The following KATNBL1 variants were observed in gnomAD, a reference collection of about 807,000 sequenced individuals.
KATNBL1 encodes the protein KATNB1-like protein 1.
A neutral mutation model predicts 44.7 loss-of-function variants in KATNBL1; 28 were observed. The observed-to-expected ratio is 0.63, with a 90% CI of 0.46 to 0.86. The LOEUF (loss-of-function observed/expected upper bound fraction) is 0.86, where lower values mean the gene tolerates loss of function less well. KATNBL1 is among the 40% of genes least tolerant of loss of function. The pLI, the probability that KATNBL1 is intolerant of heterozygous loss-of-function variation, is 0.00. For missense variants in KATNBL1, 272 were observed against 350.7 expected (o/e 0.78, Z 1.79); for synonymous variants, 78 against 114.9 (o/e 0.68, Z 2.06).
At chr15:34,145,369 T>C (rs1888276755) in intron 9 of KATNBL1, 29 bp downstream of exon 9, 1 of 1,373,990 alleles carries the variant, frequency 7.3e-7, no homozygotes, top group Non-Finnish European at 9.5e-7. Flanking sequence ...ATTTTTAATG[T>C]TTAATTTATA....
intron 1 of KATNBL1, among the ~76,000 whole-genome samples, chr15:34,179,033 T>TA (rs1889431775): frequency 6.6e-6 from 1 of 152,164 alleles, no homozygotes; most frequent in African/African-American, 2.4e-5. Context: ...GACTGGTGCT[T>TA]ACAATGGAAT....
chr15:34,183,465 G>A (rs1889623959), intron 1 of KATNBL1, among the ~76,000 whole-genome samples: 1 of 152,104 alleles, frequency 6.6e-6, no homozygotes. Flanking sequence ...AAAAAGATTA[G>A]GTCAAACAGA....
chr15:34,194,910 T>C (rs559771241), intron 1 of KATNBL1, among the ~76,000 whole-genome samples: 190 of 152,310 alleles, frequency 1.2e-3, no homozygotes, highest in Non-Finnish European at 2.3e-3. Context: ...AATATCATCT[T>C]ACACCAATCA....
intron 1 of KATNBL1, among the ~76,000 whole-genome samples, chr15:34,195,462 G>C (rs1283314537): frequency 6.6e-6 from 1 of 152,104 alleles, no homozygotes; most frequent in Non-Finnish European, 1.5e-5. Flanking sequence ...GATGATGAAA[G>C]CTTGCTTGAT....
chr15:34,209,591 G>A (rs1890378643), intron 1 of KATNBL1: 1 of 152,188 alleles, frequency 6.6e-6, no homozygotes, highest in South Asian at 2.1e-4. Context: ...CGGAAAACCT[G>A]TCCTCAAAAA....
chr15:34,195,639 C>T (rs535940156), intron 1 of KATNBL1, among the ~76,000 whole-genome samples: 3 of 149,422 alleles, frequency 2.0e-5, no homozygotes, highest in Non-Finnish European at 3.0e-5. Context: ...TGCAGTGAGC[C>T]GAGATCCCAT....
intron 3 of KATNBL1, among the ~76,000 whole-genome samples, chr15:34,154,326 G>A (rs1264399047): frequency 6.6e-6 from 1 of 152,132 alleles, no homozygotes; most frequent in Non-Finnish European, 1.5e-5. Flanking sequence ...TAGAAGTTAG[G>A]CAGATCTGAG....
intron 1 of KATNBL1, among the ~76,000 whole-genome samples, chr15:34,200,850 C>T (rs1890161289): frequency 1.3e-5 from 2 of 151,776 alleles, no homozygotes; most frequent in African/African-American, 4.8e-5. Flanking sequence ...CAGCGTCTTG[C>T]TCTGTCGCCA....
intron 2 of KATNBL1, among the ~76,000 whole-genome samples, chr15:34,158,621 A>AT (rs907755325): frequency 9.2e-4 from 135 of 145,962 alleles, no homozygotes; most frequent in Middle Eastern, 3.6e-3. Context: ...GTTTGCTCCA[A>AT]TTTTTTTTTT....
At chr15:34,143,076 C>A (rs1227665257) in intron 9 of KATNBL1, 3 of 1,187,150 alleles carry the variant, frequency 2.5e-6, no homozygotes, top group Non-Finnish European at 3.3e-6. Context: ...GTAAGAAAGT[C>A]TCATCATAAG....
chr15:34,193,235 A>AC (rs1567536892), intron 1 of KATNBL1, among the ~76,000 whole-genome samples: 5 of 132,110 alleles, frequency 3.8e-5, no homozygotes, highest in African/African-American at 1.5e-4. Context: ...AAAAAAAAAA[A>AC]CAAAAAAAAA....
chr15:34,178,553 C>A lies in KATNBL1; in HGVS notation c.-14-14863G>T, dbSNP rs558119727. 1.8e-3 allele frequency among the ~76,000 whole-genome samples: 277 copies of A among 152,148 alleles called. 2 individuals carry two copies. Among genetic ancestry groups the A allele is most frequent in the Non-Finnish European group, 3.4e-3 (229 of 67,992 alleles). On this transcript the variant is annotated intron_variant, in intron 1 of 9. Coordinates refer to ENST00000256544, the MANE Select transcript of KATNBL1 (RefSeq NM_024713.3). ...AGGGCAGATCACGAGGTCAGGAGAT[C>A]GAGACCATCCTGGCTAACCCGGTGA...
chr15:34,174,554 C>G (rs1889265043), intron 1 of KATNBL1, among the ~76,000 whole-genome samples: 1 of 152,032 alleles, frequency 6.6e-6, no homozygotes, highest in Non-Finnish European at 1.5e-5. Flanking sequence ...GGAGTAAATT[C>G]AGAAACATGA....
At chr15:34,145,063 T>A in intron 9 of KATNBL1, 4 of 1,018,288 alleles carry the variant, frequency 3.9e-6, no homozygotes, top group Non-Finnish European at 4.7e-6. Context: ...TTATCCCTTG[T>A]TTCCTGAGTT....
At chr15:34,187,241 A>T (rs1420338672) in intron 1 of KATNBL1, among the ~76,000 whole-genome samples, 1 of 152,102 alleles carries the variant, frequency 6.6e-6, no homozygotes, top group Non-Finnish European at 1.5e-5. Flanking sequence ...TATCAGAATG[A>T]CTTAACTGCA....
intron 1 of KATNBL1, among the ~76,000 whole-genome samples, chr15:34,186,888 G>A (rs538765926): frequency 4.6e-5 from 7 of 152,344 alleles, no homozygotes; most frequent in South Asian, 4.1e-4. Context: ...AAGGGGGCTG[G>A]GCTGCCAGTC....
At chr15:34,194,620 T>C (rs1045069128) in intron 1 of KATNBL1, among the ~76,000 whole-genome samples, 3 of 152,122 alleles carry the variant, frequency 2.0e-5, no homozygotes, top group African/African-American at 7.2e-5. Flanking sequence ...CAGGACCGTG[T>C]GGAGGTGGGG....
intron 1 of KATNBL1, among the ~76,000 whole-genome samples, chr15:34,205,445 G>C (rs1324281642): frequency 1.3e-5 from 2 of 152,164 alleles, no homozygotes; most frequent in Non-Finnish European, 2.9e-5. Flanking sequence ...ATAGGTTTTT[G>C]AAAGTAAGAG....
intron 1 of KATNBL1, among the ~76,000 whole-genome samples, chr15:34,189,154 C>T (rs1011251041): frequency 1.3e-5 from 2 of 152,004 alleles, no homozygotes; most frequent in Non-Finnish European, 2.9e-5. Flanking sequence ...CCTCTGCCTC[C>T]GGTGGGATTA....
Sources: gnomAD v4.1 joint callset for allele counts (sites outside exome capture counted in the v4.1 genomes callset) on GRCh38, gnomAD v4.1.1 for gene constraint, MANE v1.5 for transcripts, NCBI Gene and HGNC (gene_info 2026-07-23, HGNC 2026-07-21) for gene names.